Variants in ASPRV1 observed in about 807,000 individuals in gnomAD.
ASPRV1 encodes aspartic peptidase retroviral like 1, also known as retroviral-like aspartic protease 1.
ASPRV1 carries 7 observed loss-of-function variants against 11.0 expected under a neutral mutation model. The ratio of observed to expected loss-of-function variants is 0.64; its 90% CI spans 0.36 to 1.20. The LOEUF (loss-of-function observed/expected upper bound fraction) is 1.20. Ranked by LOEUF, ASPRV1 falls within the 50% of genes most tolerant of loss-of-function variation. The pLI is 0.02. For synonymous variants in ASPRV1, 136 were observed against 138.4 expected (o/e 0.98, Z 0.12); for missense variants, 299 against 320.0 (o/e 0.93, Z 0.50).
chr2:70,019,447 G>C, the ASPRV1 span, among the ~76,000 whole-genome samples: 1 of 152,170 alleles, frequency 6.6e-6, no homozygotes, highest in African/African-American at 2.4e-5. Flanking sequence ...GTATGTTGAA[G>C]AGATATTCAC....
chr2:69,979,765 G>A, the ASPRV1 span, among the ~76,000 whole-genome samples: 1 of 152,216 alleles, frequency 6.6e-6, no homozygotes, highest in Non-Finnish European at 1.5e-5. Flanking sequence ...GGAGCTCAGA[G>A]TTGGAGCTGA....
At chr2:70,030,870 C>T in the ASPRV1 span, 1 of 152,190 alleles carries the variant, frequency 6.6e-6, no homozygotes, top group Non-Finnish European at 1.5e-5. Flanking sequence ...TAAACATATG[C>T]TGAATGCCAC....
chr2:69,972,454 T>C, the ASPRV1 span, among the ~76,000 whole-genome samples: 1 of 151,404 alleles, frequency 6.6e-6, no homozygotes, highest in Admixed American at 6.6e-5. Flanking sequence ...GTCTCCCAGG[T>C]TCAAGTGATT....
chr2:70,033,937 G>A, the ASPRV1 span, among the ~76,000 whole-genome samples: 1,063 of 148,822 alleles, frequency 7.1e-3, 4 homozygotes, highest in Middle Eastern at 0.034. Flanking sequence ...GGCAGATCAC[G>A]AGGTCAGGAG....
chr2:70,073,448 A>G, the ASPRV1 span, among the ~76,000 whole-genome samples: 1 of 150,292 alleles, frequency 6.7e-6, no homozygotes, highest in Non-Finnish European at 1.5e-5. Flanking sequence ...ACTTAACTCT[A>G]CTTGCCTCTG....
At chr2:69,995,112 G>A in the ASPRV1 span, among the ~76,000 whole-genome samples, 1 of 151,846 alleles carries the variant, frequency 6.6e-6, no homozygotes, top group Non-Finnish European at 1.5e-5. Flanking sequence ...GCGGCCGGGT[G>A]CAGTGGCTCA....
chr2:70,084,401 T>A, the ASPRV1 span, among the ~76,000 whole-genome samples: 1 of 152,184 alleles, frequency 6.6e-6, no homozygotes, highest in African/African-American at 2.4e-5. Context: ...AGAGACCACA[T>A]CCAGTTTAGT....
chr2:70,079,512 G>A, the ASPRV1 span, among the ~76,000 whole-genome samples: 6 of 152,106 alleles, frequency 3.9e-5, no homozygotes, highest in African/African-American at 7.2e-5. Context: ...TAGGAAAAGA[G>A]TGTAGACAGA....
the ASPRV1 span, chr2:70,063,835 A>C: frequency 6.6e-6 from 1 of 152,240 alleles, no homozygotes; most frequent in Non-Finnish European, 1.5e-5. Context: ...TGATTTAAGT[A>C]ATCCCCAAGA....
At chr2:70,059,962 T>G in the ASPRV1 span, 1 of 152,194 alleles carries the variant, frequency 6.6e-6, no homozygotes, top group Non-Finnish European at 1.5e-5. Flanking sequence ...GGGACACCTG[T>G]CTTAGAGCCT....
chr2:70,066,300 G>A, the ASPRV1 span, among the ~76,000 whole-genome samples: 6 of 151,470 alleles, frequency 4.0e-5, no homozygotes, highest in South Asian at 4.2e-4. Flanking sequence ...GTACAATGGC[G>A]CAATCTCAGC....
chr2:70,048,296 T>C, the ASPRV1 span, among the ~76,000 whole-genome samples: 1 of 149,818 alleles, frequency 6.7e-6, no homozygotes, highest in Non-Finnish European at 1.5e-5. Flanking sequence ...GTGCCTGTAG[T>C]CCCAGCTACT....
the ASPRV1 span, chr2:69,975,721 A>T: frequency 6.6e-6 from 1 of 152,314 alleles, no homozygotes; most frequent in African/African-American, 2.4e-5. Context: ...GGCCGAGATG[A>T]TGTGCTGAAT....
the ASPRV1 span, among the ~76,000 whole-genome samples, chr2:70,043,898 G>C: frequency 1.3e-5 from 2 of 152,044 alleles, no homozygotes; most frequent in Non-Finnish European, 2.9e-5. Flanking sequence ...AACCTCTTTT[G>C]GGGTCATGGG....
chr2:69,953,874 ATTT>A, the ASPRV1 span, among the ~76,000 whole-genome samples: 1,506 of 141,688 alleles, frequency 0.011, 30 homozygotes, highest in African/African-American at 0.037. Context: ...TGCCCGGCTA[ATTT>A]TTTTTTTTTT....
the ASPRV1 span, among the ~76,000 whole-genome samples, chr2:69,952,200 TA>T: frequency 3.3e-5 from 5 of 152,182 alleles, no homozygotes; most frequent in East Asian, 7.7e-4. Context: ...TAAATGGGTA[TA>T]AAACCTACTT....
chr2:69,955,002 C>G, the ASPRV1 span, among the ~76,000 whole-genome samples: 4 of 152,354 alleles, frequency 2.6e-5, no homozygotes, highest in East Asian at 5.8e-4. Flanking sequence ...CCCACAATAT[C>G]AAGCAGTCAA....
At chr2:70,009,905 G>A in the ASPRV1 span, among the ~76,000 whole-genome samples, 3 of 152,164 alleles carry the variant, frequency 2.0e-5, no homozygotes, top group Non-Finnish European at 4.4e-5. Flanking sequence ...GAAGCCCCAC[G>A]GCTCTATAAG....
At chr2:69,992,193 G>C in the ASPRV1 span, among the ~76,000 whole-genome samples, 1 of 152,074 alleles carries the variant, frequency 6.6e-6, no homozygotes, top group Non-Finnish European at 1.5e-5. Context: ...AAGGGAAGTA[G>C]AATTGGAAAC....
Sources: allele counts gnomAD v4.1 joint callset (sites outside exome capture counted in the v4.1 genomes callset), GRCh38; gene constraint gnomAD v4.1.1; transcripts MANE v1.5; gene names NCBI Gene and HGNC (gene_info 2026-07-23, HGNC 2026-07-21).